Variants in RAB11FIP3 observed in about 807,000 individuals in gnomAD.
The protein encoded by RAB11FIP3 is RAB11 family interacting protein 3.
Under a neutral mutation model 77.8 loss-of-function variants are expected in RAB11FIP3, and 17 were observed. That is an observed-to-expected ratio of 0.22 (90% CI 0.15 to 0.33). RAB11FIP3 has a LOEUF of 0.33. RAB11FIP3 is among the 10% of genes least tolerant of loss of function. RAB11FIP3 has a pLI of 1.00. For synonymous variants in RAB11FIP3, 437 were observed against 448.2 expected (o/e 0.98, Z 0.31); for missense variants, 1,005 against 1,011.2 (o/e 0.99, Z 0.08).
chr16:477,625 C>T (rs1380525109), intron 3 of RAB11FIP3: 4 of 985,330 alleles, frequency 4.1e-6, no homozygotes, highest in East Asian at 1.1e-4. Context: ...TGGGCCCTGC[C>T]GTCCTGCAGG....
At chr16:450,141 C>T (rs1190086939) in intron 1 of RAB11FIP3, among the ~76,000 whole-genome samples, 3 of 151,998 alleles carry the variant, frequency 2.0e-5, no homozygotes, top group Non-Finnish European at 2.9e-5. Flanking sequence ...AGGAAGTTCA[C>T]CATTTGACCT....
intron 4 of RAB11FIP3, among the ~76,000 whole-genome samples, chr16:483,751 C>T (rs2056094780): frequency 6.6e-6 from 1 of 151,984 alleles, no homozygotes; most frequent in African/African-American, 2.4e-5. Flanking sequence ...GAGGCCTCAT[C>T]TGCTTGATAA....
chr16:510,667 G>A lies in RAB11FIP3; in HGVS notation c.1507G>A (p.Ala503Thr), dbSNP rs146319300. ...CTCCCTTTGCCTTTCAAGAGCAAACGCCCTGGAGGAGCAGCTGAAGGAGCA... is the reference window on the plus strand; with the variant it reads ...CTCCCTTTGCCTTTCAAGAGCAAACACCCTGGAGGAGCAGCTGAAGGAGCA... Reference protein sequence around the residue: ...ENLQLVHRANALEEQLKEQEL... With the variant: ...ENLQLVHRANTLEEQLKEQEL... Residue 503 changes from alanine (A) to threonine (T), a missense_variant, in exon 9 of 14, where the codon GCC becomes ACC. Transcript: ENST00000262305. 67 of 1,606,022 alleles carry A rather than the reference G, an allele frequency of 4.2e-5. No individual in the cohort carries two copies. The highest frequency in any genetic ancestry group is 1.7e-4 in the Admixed American group (10 of 59,010).
At chr16:459,157 G>A (rs917350420) in intron 1 of RAB11FIP3, among the ~76,000 whole-genome samples, 4 of 135,974 alleles carry the variant, frequency 2.9e-5, no homozygotes, top group South Asian at 2.3e-4. Flanking sequence ...ACAGAGTTTC[G>A]CTGTTTTTGC....
chr16:511,307 C>T (rs1302166233), intron 9 of RAB11FIP3, among the ~76,000 whole-genome samples: 2 of 133,742 alleles, frequency 1.5e-5, no homozygotes, highest in Admixed American at 7.5e-5. Flanking sequence ...CTTGACAGCC[C>T]GCCCACCCCA....
At position 505,860 on chromosome 16, in the gene RAB11FIP3, G is replaced by A. The variant is rs1194013467; in HGVS notation, c.1499+233G>A. ...CTCATGGAACCCTAGACACACAGAG[G>A]GCCAGAGGAGGGCACTGCCTCCCTC... On this transcript the variant is annotated intron_variant, in intron 8 of 13. Coordinates refer to ENST00000262305, the MANE Select transcript of RAB11FIP3 (RefSeq NM_014700.4). The surrounding 1 kb of genome is among the most constrained non-coding windows in gnomAD (Gnocchi z 4.0). 6.6e-6 allele frequency among the ~76,000 whole-genome samples: 1 copy of A among 152,112 alleles called. No individual in the cohort carries two copies. Among genetic ancestry groups the A allele is most frequent in the Non-Finnish European group, 1.5e-5 (1 of 68,014 alleles).
intron 10 of RAB11FIP3, among the ~76,000 whole-genome samples, 163 bp from the exon 11 acceptor site, chr16:519,591 T>C (rs117588082): frequency 2.7e-3 from 417 of 152,248 alleles, no homozygotes; most frequent in Non-Finnish European, 4.3e-3. Context: ...TGACCTCCAC[T>C]GAGAGGCAGG....
intron 8 of RAB11FIP3, among the ~76,000 whole-genome samples, chr16:510,203 G>A (rs933464430): frequency 1.3e-5 from 2 of 150,986 alleles, no homozygotes; most frequent in African/African-American, 2.5e-5. Flanking sequence ...GGCTCTGAGC[G>A]CACGCGTTGT....
At chr16:430,491 G>A (rs537420416) in intron 1 of RAB11FIP3, among the ~76,000 whole-genome samples, 96 of 152,110 alleles carry the variant, frequency 6.3e-4, no homozygotes, top group African/African-American at 2.2e-3. Context: ...ATCTCCCTAC[G>A]TTTTTTTATT....
chr16:502,613 T>C (rs1267693960), intron 6 of RAB11FIP3: 3 of 279,784 alleles, frequency 1.1e-5, no homozygotes, highest in Non-Finnish European at 2.0e-5. Context: ...GGTCCTGAGC[T>C]GATGTCTCAC....
intron 5 of RAB11FIP3, 94 bp from the exon 6 acceptor site, chr16:496,730 C>G: frequency 2.3e-6 from 3 of 1,299,474 alleles, no homozygotes; most frequent in Non-Finnish European, 3.3e-6. Flanking sequence ...GAAAGGCCGC[C>G]CACCTCGTAT....
At chr16:475,031 A>G (rs1221412906) in intron 3 of RAB11FIP3, 4 of 1,551,604 alleles carry the variant, frequency 2.6e-6, no homozygotes, top group Admixed American at 3.9e-5. Context: ...CTCCAACAGC[A>G]TGCCCTTCCT....
Sources: gnomAD v4.1 joint callset for allele counts (sites outside exome capture counted in the v4.1 genomes callset) on GRCh38, gnomAD v4.1.1 for gene constraint, Gnocchi (gnomAD v3.1) non-coding constraint, MANE v1.5 for transcripts, NCBI Gene and HGNC (gene_info 2026-07-23, HGNC 2026-07-21) for gene names.